OTOF: variants seen among roughly 807,000 people sequenced by gnomAD.
OTOF encodes the protein fer-1-like family member 2.
Under a neutral mutation model 236.8 loss-of-function variants are expected in OTOF, and 218 were observed. The ratio of observed to expected loss-of-function variants is 0.92; its 90% confidence interval spans 0.82 to 1.03. The LOEUF is 1.03. Among genes scored for constraint, OTOF ranks in the 50% least tolerant of loss-of-function variants. The pLI is 0.00. For missense variants in OTOF, 2,590 were observed against 2,694.4 expected, an observed-to-expected ratio of 0.96 and a Z score of 0.86; for synonymous variants, 1,041 against 1,072.5, an observed-to-expected ratio of 0.97 and a Z score of 0.57.
Position 26,460,242 on chromosome 2 carries a change from A to G in OTOF, c.5814-37T>C, listed in dbSNP as rs747043272. 43 of 1,520,310 alleles carry G rather than the reference A, an allele frequency of 2.8e-5. No homozygotes were observed. In the African/African-American group the frequency reaches 5.1e-4, roughly 18 times the overall value. 94.2% of individuals were successfully genotyped at this position (1,520,310 alleles called of 1,614,324 possible). ...AGGGTAGAGAGCGCAGAGGAGGGAC[A>G]GGGAGGAGAAGGGATTGGGTGTGGC... On this transcript the variant is annotated intron_variant, in intron 45 of 46. Coordinates refer to ENST00000272371, the MANE Select transcript of OTOF (RefSeq NM_194248.3). This position sits in a 1 kb window ranked among gnomAD's most constrained non-coding sequence, Gnocchi z 5.3.
intron 5 of OTOF, chr2:26,510,627 G>A (rs895041995): frequency 9.4e-6 from 9 of 952,944 alleles, no homozygotes; most frequent in South Asian, 4.1e-5. Flanking sequence ...AGCCCATCCC[G>A]CCCTCCACAG....
chr2:26,537,187 T>C (rs1466422375), intron 2 of OTOF, among the ~76,000 whole-genome samples: 1 of 152,186 alleles, frequency 6.6e-6, no homozygotes, highest in Non-Finnish European at 1.5e-5. Context: ...CTGTCTTCTG[T>C]TCCCTATGCT....
chr2:26,540,181 C>T (rs1436625904), intron 1 of OTOF, among the ~76,000 whole-genome samples: 1 of 152,214 alleles, frequency 6.6e-6, no homozygotes, highest in Non-Finnish European at 1.5e-5. Flanking sequence ...GATCTCCCAC[C>T]TCGGCCTCCC....
intron 10 of OTOF, 87 bp from the exon 11 acceptor site, chr2:26,489,382 G>A (rs910207870): frequency 9.6e-7 from 1 of 1,037,086 alleles, no homozygotes; most frequent in East Asian, 2.6e-5. Context: ...GCTTTGTGGT[G>A]AAGTGGGAGG....
intron 8 of OTOF, among the ~76,000 whole-genome samples, chr2:26,498,249 G>A (rs1459604728): frequency 2.0e-5 from 3 of 152,250 alleles, no homozygotes; most frequent in African/African-American, 7.2e-5. Context: ...GAGGCGGAGG[G>A]TGGAGGGGAA....
Position 26,515,645 on chromosome 2 carries a change from G to A in OTOF, c.509+773C>T, listed in dbSNP as rs1666505409. Among the ~76,000 whole-genome samples the A allele has an allele frequency of 2.0e-5, 3 of 152,188 alleles. No homozygotes were observed. In the South Asian group the frequency reaches 6.2e-4, roughly 31 times the overall value. ...ACAGGGATATGTTTCCAGTGGCACG[G>A]AGGGTCCCTTCTCAAAACACACCCT... On this transcript the variant is annotated intron_variant, in intron 5 of 46. Transcript: ENST00000272371.
At chr2:26,551,216 C>A (rs1320618417) in intron 1 of OTOF, among the ~76,000 whole-genome samples, 1 of 152,260 alleles carries the variant, frequency 6.6e-6, no homozygotes, top group East Asian at 1.9e-4. Context: ...TCTCAAACTC[C>A]TGCCCTCAAA....
At chr2:26,493,498 T>A (rs1440324428) in intron 9 of OTOF, among the ~76,000 whole-genome samples, 1 of 152,206 alleles carries the variant, frequency 6.6e-6, no homozygotes, top group Non-Finnish European at 1.5e-5. Context: ...CTGTGGCTTC[T>A]GGGTTAGTCT....
intron 5 of OTOF, among the ~76,000 whole-genome samples, chr2:26,516,096 T>C (rs115521495): frequency 0.033 from 5,030 of 152,198 alleles, 268 homozygotes; most frequent in African/African-American, 0.11. Context: ...GGCCCTCCTA[T>C]CCCCAACTCC....
Position 26,465,368 on chromosome 2 carries a change from C to T in OTOF, c.4799+304G>A, listed in dbSNP as rs1168733479. On this transcript the variant is annotated intron_variant, in intron 38 of 46. Coordinates refer to ENST00000272371, the MANE Select transcript of OTOF (RefSeq NM_194248.3). ...CCAGGGTCACACAGCCTATAAGTGG[C>T]AGAGCTGGCCCAGATCCCCAGGGGA... 2.6e-5 allele frequency among the ~76,000 whole-genome samples: 4 copies of T among 152,338 alleles called. No homozygotes were observed. The East Asian group carries it at 5.8e-4, about 22-fold the overall frequency.
In OTOF at chr2:26,554,060, A is replaced by G. The variant is rs185218389; in HGVS notation, c.79+4433T>C. On this transcript the variant is annotated intron_variant, in intron 1 of 46. Transcript: ENST00000272371. Reference sequence around the variant, plus strand: ...GTGGCGTGTGCCTGTAGTCCCAGCTACTCCAGAGGCTGAGGCAGAAGAATC... The same window carrying G: ...GTGGCGTGTGCCTGTAGTCCCAGCTGCTCCAGAGGCTGAGGCAGAAGAATC... Among the ~76,000 whole-genome samples, 9 of 149,998 alleles carry G rather than the reference A, an allele frequency of 6.0e-5. No individual in the cohort carries two copies. In the East Asian group the frequency reaches 1.8e-3, roughly 30 times the overall value.
rs202011111 is a variant in OTOF at position 26,516,433 on chromosome 2, T to A, written c.494A>T (p.Glu165Val). Residue 165 changes from glutamate (E) to valine (V), a missense_variant, in exon 5 of 47, where the codon GAG (glutamate) becomes GTG (valine). Physicochemically the swap from Glu to Val is moderately radical, Grantham distance 121. Around this residue, in one of 2 missense-constraint regions of OTOF, gnomAD observed 1,379 missense variants for 1,341.6 expected, o/e 1.03. Coordinates refer to ENST00000272371, the MANE Select transcript of OTOF (RefSeq NM_194248.3). ...TGCCTGTTACCTCCGGAAGCTCTTC[T>A]CTCCTGGGGGCCGGGAGCTGGGCCG... ...GSRPSSRPPG[E>V]KSFRRAGRSV... 5.6e-6 allele frequency: 9 copies of A among 1,613,810 alleles called. No individual in the cohort carries two copies. The East Asian group carries it at 1.6e-4, about 28-fold the overall frequency.
chr2:26,489,793 C>T, intron 9 of OTOF, 53 bp from the exon 10 acceptor site: 1 of 1,428,852 alleles, frequency 7.0e-7, no homozygotes, highest in Non-Finnish European at 9.9e-7. Flanking sequence ...AGCAACAGCC[C>T]AGGCAGTGTT....
At chr2:26,550,105 A>C (rs1667422866) in intron 1 of OTOF, among the ~76,000 whole-genome samples, 1 of 141,600 alleles carries the variant, frequency 7.1e-6, no homozygotes, top group African/African-American at 2.8e-5. Flanking sequence ...ACTTCGGCTG[A>C]AAAAAAAAAA....
chr2:26,457,891 G>C lies in OTOF; in HGVS notation c.*347C>G, dbSNP rs556575431. 17 of 780,794 alleles carry C rather than the reference G, an allele frequency of 2.2e-5. No individual in the cohort carries two copies. The Admixed American group carries it at 3.0e-4, about 14-fold the overall frequency. 48.4% of individuals were successfully genotyped at this position (780,794 alleles called of 1,614,324 possible). On this transcript the variant is annotated 3_prime_UTR_variant, in exon 47 of 47. Transcript: ENST00000272371. The surrounding 1 kb of genome is among the most constrained non-coding windows in gnomAD (Gnocchi z 4.4). ...GCAGCCTGGGGCAGTGAGGACAGGC[G>C]GCCCCCGCAAGCAGGAGGCAGGCTC...
intron 5 of OTOF, among the ~76,000 whole-genome samples, chr2:26,506,333 G>A (rs1666247185): frequency 6.6e-6 from 1 of 152,174 alleles, no homozygotes; most frequent in South Asian, 2.1e-4. Context: ...GGAGTCCTTG[G>A]CCCTTCCGCA....
Position 26,489,199 on chromosome 2 carries a change from G to A in OTOF, c.1045+12C>T, listed in dbSNP as rs761253981. The A allele has an allele frequency of 4.8e-5, 76 of 1,596,280 alleles. No homozygotes were observed. Among genetic ancestry groups the A allele is most frequent in the Middle Eastern group, 1.7e-4 (1 of 6,012 alleles). ...GCACACCTCGACTGACTGGCCATGC[G>A]CAGGTACTCACCTGGCTGCGAGTAC... On this transcript the variant is annotated intron_variant, in intron 11 of 46. Transcript: ENST00000272371.
chr2:26,544,064 T>A (rs1196489159), intron 1 of OTOF, among the ~76,000 whole-genome samples: 1 of 152,252 alleles, frequency 6.6e-6, no homozygotes, highest in East Asian at 1.9e-4. Context: ...AATATAAAAA[T>A]GGCTTCTTCT....
At chr2:26,550,091 T>C (rs1326434090) in intron 1 of OTOF, among the ~76,000 whole-genome samples, 8 of 151,602 alleles carry the variant, frequency 5.3e-5, no homozygotes, top group Non-Finnish European at 1.2e-4. Context: ...TGACTTTACC[T>C]TAAACTTCGG....
Sources: gnomAD v4.1 joint callset for allele counts (sites outside exome capture counted in the v4.1 genomes callset) on GRCh38, gnomAD v4.1.1 for gene constraint, gnomAD v4.1.1 regional missense constraint, Gnocchi (gnomAD v3.1) non-coding constraint, MANE v1.5 for transcripts, NCBI Gene and HGNC (gene_info 2026-07-23, HGNC 2026-07-21) for gene names.